The following IL1RAPL1 variants were observed in gnomAD, a reference collection of about 807,000 sequenced individuals.
IL1RAPL1 encodes the protein interleukin-1 receptor accessory protein-like 1.
IL1RAPL1 carries 3 observed loss-of-function variants against 48.4 expected under a neutral mutation model. The observed-to-expected ratio is 0.06, with a 90% CI of 0.03 to 0.16. IL1RAPL1 has a LOEUF of 0.16. IL1RAPL1 is among the 10% of genes least tolerant of loss of function. The pLI is 1.00. For missense variants in IL1RAPL1, 349 were observed against 530.6 expected (o/e 0.66, Z 3.36); for synonymous variants, 185 against 187.7 (o/e 0.99, Z 0.12).
At chrX:29,695,942 G>A (rs779476370) in intron 6 of IL1RAPL1, among the ~76,000 whole-genome samples, 1 of 111,716 alleles carries the variant, frequency 9.0e-6, no homozygotes, top group African/African-American at 3.3e-5. Context: ...AGATGGCAAT[G>A]TATATTTTCA....
At chrX:28,936,279 A>G (rs1257531618) in intron 2 of IL1RAPL1, among the ~76,000 whole-genome samples, 1 of 111,034 alleles carries the variant, frequency 9.0e-6, no homozygotes, top group Non-Finnish European at 1.9e-5. Flanking sequence ...AGCATACAGA[A>G]CATTCTCATG....
chrX:29,037,939 C>A (rs911180588), intron 2 of IL1RAPL1, among the ~76,000 whole-genome samples: 1 of 111,455 alleles, frequency 9.0e-6, no homozygotes. Context: ...GTATCTCAGA[C>A]AGTTGGCCTC....
At chrX:29,096,874 C>T (rs2147460620) in intron 2 of IL1RAPL1, among the ~76,000 whole-genome samples, 1 of 110,118 alleles carries the variant, frequency 9.1e-6, no homozygotes, top group South Asian at 3.9e-4. Flanking sequence ...ATTCAGAGAC[C>T]ATGTAGAAAT....
chrX:28,847,543 A>G (rs60624183), intron 2 of IL1RAPL1, among the ~76,000 whole-genome samples: 6,538 of 111,061 alleles, frequency 0.059, 375 homozygotes, highest in East Asian at 0.24. Flanking sequence ...TGGCTCCCCA[A>G]TGCCTCTTAG....
chrX:29,434,003 AGAT>A (rs768727773), intron 5 of IL1RAPL1, among the ~76,000 whole-genome samples: 13 of 110,512 alleles, frequency 1.2e-4, no homozygotes, highest in East Asian at 8.5e-4. Flanking sequence ...ATAAAAATAA[AGAT>A]GATGATAACT....
intron 2 of IL1RAPL1, among the ~76,000 whole-genome samples, chrX:28,958,842 A>G (rs538025555): frequency 5.4e-4 from 60 of 111,546 alleles, no homozygotes; most frequent in African/African-American, 1.8e-3. Context: ...CTAATAATCC[A>G]TAATAATGAA....
intron 5 of IL1RAPL1, among the ~76,000 whole-genome samples, chrX:29,504,137 A>G (rs1483307751): frequency 2.7e-5 from 3 of 110,138 alleles, no homozygotes; most frequent in South Asian, 3.9e-4. Flanking sequence ...GTGCTTGTGT[A>G]GTTTCCAAGG....
At chrX:29,562,115 A>ATCT (rs1488435661) in intron 5 of IL1RAPL1, among the ~76,000 whole-genome samples, 80 of 59,960 alleles carry the variant, frequency 1.3e-3, no homozygotes, top group South Asian at 2.0e-3. Flanking sequence ...CTATCTATCT[A>ATCT]ATCTATCTAT....
At chrX:28,902,092 C>G (rs1442429475) in intron 2 of IL1RAPL1, among the ~76,000 whole-genome samples, 1 of 111,725 alleles carries the variant, frequency 9.0e-6, no homozygotes, top group East Asian at 2.8e-4. Flanking sequence ...ATATTCATGT[C>G]AGCCACAAAA....
At chrX:29,468,441 A>G (rs1002454021) in intron 5 of IL1RAPL1, among the ~76,000 whole-genome samples, 8 of 112,264 alleles carry the variant, frequency 7.1e-5, no homozygotes, top group South Asian at 3.7e-4. Context: ...TATTTCTGCA[A>G]TTCTGCAGTA....
chrX:29,670,208 T>C (rs1285116678), intron 6 of IL1RAPL1, among the ~76,000 whole-genome samples: 1 of 111,725 alleles, frequency 9.0e-6, no homozygotes, highest in East Asian at 2.8e-4. Context: ...AATAGAATAA[T>C]TGGTAAAGCT....
At chrX:29,020,037 A>T (rs1926328283) in intron 2 of IL1RAPL1, among the ~76,000 whole-genome samples, 1 of 112,591 alleles carries the variant, frequency 8.9e-6, no homozygotes, top group Admixed American at 9.4e-5. Flanking sequence ...AAGGGCTCAA[A>T]GAAGTAAAAG....
At chrX:29,007,576 T>G (rs1304663401) in intron 2 of IL1RAPL1, among the ~76,000 whole-genome samples, 1 of 112,052 alleles carries the variant, frequency 8.9e-6, no homozygotes, top group Non-Finnish European at 1.9e-5. Context: ...TTTTGGAAAT[T>G]GGCCAGAATC....
In IL1RAPL1 at chrX:29,898,791, C is replaced by G. The variant is rs1273006979; in HGVS notation, c.779-18673C>G. On this transcript the variant is annotated intron_variant, in intron 6 of 10. Coordinates refer to ENST00000378993, the MANE Select transcript of IL1RAPL1 (RefSeq NM_014271.4). ...TTATTTTAATTGACTTCCACAACTT[C>G]CCACTTAGAGAGTTGCTAGTATTAA... 3.6e-5 allele frequency among the ~76,000 whole-genome samples: 4 copies of G among 111,935 alleles called. No homozygotes were observed. The East Asian group carries it at 1.1e-3, about 31-fold the overall frequency.
intron 3 of IL1RAPL1, among the ~76,000 whole-genome samples, chrX:29,342,118 G>T (rs868502510): frequency 4.4e-5 from 4 of 91,127 alleles, no homozygotes; most frequent in African/African-American, 2.0e-4. Context: ...TGTTTTGTGT[G>T]TGTGTGTGTG....
chrX:29,042,965 A>C (rs978013314), intron 2 of IL1RAPL1, among the ~76,000 whole-genome samples: 1 of 112,005 alleles, frequency 8.9e-6, no homozygotes, highest in Admixed American at 9.5e-5. Context: ...AAAAGAAAAA[A>C]CTTCTTACAA....
chrX:28,608,106 A>G (rs1350635576), intron 1 of IL1RAPL1, among the ~76,000 whole-genome samples: 1 of 111,763 alleles, frequency 8.9e-6, no homozygotes, highest in Non-Finnish European at 1.9e-5. Context: ...ACTATAGTGG[A>G]TCATAACACA....
At chrX:29,822,006 T>C (rs1040958634) in intron 6 of IL1RAPL1, among the ~76,000 whole-genome samples, 6 of 112,257 alleles carry the variant, frequency 5.3e-5, no homozygotes, top group African/African-American at 1.6e-4. Flanking sequence ...CGAAGTTATC[T>C]TGGTGACCTT....
At chrX:28,954,203 A>G (rs1924543691) in intron 2 of IL1RAPL1, among the ~76,000 whole-genome samples, 1 of 111,141 alleles carries the variant, frequency 9.0e-6, no homozygotes, top group African/African-American at 3.3e-5. Flanking sequence ...AAATAAAGTA[A>G]TAAAATTTCT....
Sources: allele counts gnomAD v4.1 joint callset (sites outside exome capture counted in the v4.1 genomes callset), GRCh38; gene constraint gnomAD v4.1.1; transcripts MANE v1.5; gene names NCBI Gene and HGNC (gene_info 2026-07-23, HGNC 2026-07-21).